The following NCAPD2 variants were observed in gnomAD, a reference collection of about 807,000 sequenced individuals.
NCAPD2 encodes the protein condensin complex subunit 1.
NCAPD2 carries 100 observed loss-of-function variants against 164.5 expected under a neutral mutation model. That is an observed-to-expected ratio of 0.61 (90% CI 0.52 to 0.72). NCAPD2 has a LOEUF of 0.72. Ranked by LOEUF, NCAPD2 falls within the 30% of genes least tolerant of loss-of-function variation. The probability of loss-of-function intolerance (pLI) is 0.00; values close to 1 mark genes in which losing one functional copy is unlikely to be tolerated. For missense variants in NCAPD2, 1,560 were observed against 1,749.2 expected, an observed-to-expected ratio of 0.89 and a Z score of 1.93; for synonymous variants, 585 against 642.6, an observed-to-expected ratio of 0.91 and a Z score of 1.36.
chr12:6,528,358 T>C lies in NCAPD2; in HGVS notation c.3299+30T>C, dbSNP rs1266552878. On this transcript the variant is annotated intron_variant, in intron 25 of 31. Coordinates refer to ENST00000315579, the MANE Select transcript of NCAPD2 (RefSeq NM_014865.4). The surrounding 1 kb of genome is among the most constrained non-coding windows in gnomAD (Gnocchi z 5.1). The stretch of plus-strand genomic sequence containing the variant: ...GAGACCCCTCACAACGTGGTGGCAG[T>C]TCCCAGGAGCCCCGGAGTCTGTTGA... 6.2e-6 allele frequency: 10 copies of C among 1,612,354 alleles called. No individual in the cohort carries two copies. The African/African-American group carries it at 1.3e-4, about 22-fold the overall frequency.
chr12:6,525,790 T>G (rs1946311595), intron 18 of NCAPD2, 74 bp downstream of exon 18: 1 of 1,570,406 alleles, frequency 6.4e-7, no homozygotes. Flanking sequence ...TTTCCTTCAG[T>G]GACATTGTCA....
chr12:6,508,653 A>G (rs1946119239), intron 2 of NCAPD2, among the ~76,000 whole-genome samples: 1 of 152,248 alleles, frequency 6.6e-6, no homozygotes, highest in African/African-American at 2.4e-5. Context: ...GGATGCTTCA[A>G]TTAGTGGGCA....
chr12:6,518,503 A>AGTTTTTTTTTTTTTTTT (rs1946225640), intron 13 of NCAPD2, among the ~76,000 whole-genome samples: 1 of 30,714 alleles, frequency 3.3e-5, no homozygotes, highest in African/African-American at 2.0e-4. Flanking sequence ...GCCGTCAACA[A>AGTTTTTTTTTTTTTTTT]GTTTTTTTTT....
chr12:6,518,031 T>C (rs1592172786), intron 13 of NCAPD2, 72 bp downstream of exon 13: 3 of 1,458,382 alleles, frequency 2.1e-6, no homozygotes, highest in East Asian at 4.6e-5. Context: ...ACTTACATAA[T>C]GTGTCTTTTA....
chr12:6,513,231 C>G (rs1946167866), intron 6 of NCAPD2, among the ~76,000 whole-genome samples: 1 of 152,126 alleles, frequency 6.6e-6, no homozygotes, highest in Non-Finnish European at 1.5e-5. Flanking sequence ...GACTGGTACC[C>G]TAGGGCACTC....
chr12:6,503,020 T>G (rs533989114), intron 2 of NCAPD2, among the ~76,000 whole-genome samples: 5,961 of 146,466 alleles, frequency 0.041, 458 homozygotes, highest in African/African-American at 0.14. Context: ...TTTTTTTTTT[T>G]TTTTTTTTTG....
At position 6,526,340 on chromosome 12, in the gene NCAPD2, G is replaced by T. The variant is rs746535565; in HGVS notation, c.2535G>T (p.Leu845Phe). ...TCCGGCTGCCTCAGGAACACAGGTT[G>T]TTTGAGCGACTGCGGGAGACAGTCA... ...PPFRLPQEHR[L>F]FERLRETVTK... is the part of the protein sequence containing the mutation. The change falls in exon 20 of 32, where the codon TTG (leucine) becomes TTT (phenylalanine). Residue 845 changes from leucine to phenylalanine, a missense_variant. Physicochemically the swap from Leu to Phe is conservative, Grantham distance 22. Transcript: ENST00000315579. The T allele has an allele frequency of 6.2e-7, 1 of 1,614,156 alleles. No homozygotes were observed. Among genetic ancestry groups the T allele is most frequent in the South Asian group, 1.1e-5 (1 of 91,082 alleles).
chr12:6,514,786 A>C lies in NCAPD2; in HGVS notation c.853A>C (p.Lys285Gln), dbSNP rs778850762. 1 of 1,614,164 alleles carries C rather than the reference A, an allele frequency of 6.2e-7. No individual in the cohort carries two copies. Among genetic ancestry groups the C allele is most frequent in the East Asian group, 2.2e-5 (1 of 44,884 alleles). ...VGEIVREIGQ[K>Q]CPQELSRDPS... is the part of the protein sequence containing the mutation. ...TTCCCTGTGTAGAGAGATTGGACAA[A>C]AGTGTCCCCAAGAGCTGAGTCGAGA... is the stretch of plus-strand genomic sequence containing the variant. Residue 285 changes from lysine (K) to glutamine (Q), a missense_variant, in exon 9 of 32, where the codon AAG becomes CAG. Coordinates refer to ENST00000315579, the MANE Select transcript of NCAPD2 (RefSeq NM_014865.4).
chr12:6,510,572 A>G (rs746905205), intron 4 of NCAPD2, 57 bp from the exon 5 acceptor site: 2 of 1,583,396 alleles, frequency 1.3e-6, no homozygotes. Context: ...GGTGTTTTGA[A>G]GTTGGGGTAT....
chr12:6,523,743 T>A (rs1430353199), intron 17 of NCAPD2, among the ~76,000 whole-genome samples: 4 of 152,208 alleles, frequency 2.6e-5, no homozygotes, highest in African/African-American at 9.7e-5. Flanking sequence ...TTTACTTAGC[T>A]CCAGAAAGAA....
chr12:6,499,914 G>T (rs971410591), intron 2 of NCAPD2, among the ~76,000 whole-genome samples: 3 of 151,804 alleles, frequency 2.0e-5, no homozygotes, highest in African/African-American at 7.3e-5. Context: ...CAAGCTCAGG[G>T]GTTTGAGACC....
rs761185581 is a variant in NCAPD2, at chr12:6,525,607, G to T, written c.2239G>T (p.Glu747Ter). 1.2e-5 allele frequency: 19 copies of T among 1,612,662 alleles called. No homozygotes were observed. The highest frequency in any genetic ancestry group is 1.6e-5 in the Non-Finnish European group (19 of 1,179,860). Residue 747 changes from glutamate to a stop codon, truncating the protein, a stop_gained, in exon 18 of 32, where the codon GAG (glutamate) becomes TAG (stop). Transcript: ENST00000315579. LOFTEE classifies it high-confidence loss of function. ...GCTCTGTGAGTTTGTGCAGAAGGAT[G>T]AGTTGAAACCAGCAGTGACCCAGCT... ...EILCEFVQKD[E>*]LKPAVTQLLW...
At chr12:6,504,218 GATATAGATATATATA>G (rs1946076403) in intron 2 of NCAPD2, among the ~76,000 whole-genome samples, 1 of 29,952 alleles carries the variant, frequency 3.3e-5, no homozygotes, top group African/African-American at 2.0e-4. Flanking sequence ...TATATATATA[GATATAGATATATATA>G]TATATATATA....
intron 2 of NCAPD2, among the ~76,000 whole-genome samples, chr12:6,507,682 T>G (rs1946110300): frequency 6.6e-6 from 1 of 151,698 alleles, no homozygotes; most frequent in African/African-American, 2.4e-5. Flanking sequence ...TCTTTCCAAA[T>G]AAGGGAAGGA....
At chr12:6,495,303 G>C (rs777861707) in intron 2 of NCAPD2, 78 bp downstream of exon 2, 1 of 1,540,684 alleles carries the variant, frequency 6.5e-7, no homozygotes, top group East Asian at 2.3e-5. Flanking sequence ...TGTCATTTCT[G>C]TTCCACTACA....
chr12:6,510,244 G>T (rs760296122), intron 4 of NCAPD2, 111 bp downstream of exon 4: 1 of 1,194,056 alleles, frequency 8.4e-7, no homozygotes, highest in Admixed American at 1.7e-5. Context: ...TATCAAGGCT[G>T]TTGTGATTCA....
intron 1 of NCAPD2, 101 bp from the exon 2 acceptor site, chr12:6,494,975 C>T (rs1354217595): frequency 2.4e-6 from 3 of 1,228,770 alleles, no homozygotes; most frequent in African/African-American, 1.5e-5. Flanking sequence ...TGCTATAAAA[C>T]TAAAAGCCAT....
chr12:6,501,259 T>A lies in NCAPD2; in HGVS notation c.127+6034T>A, dbSNP rs12321186. 3.3e-5 allele frequency among the ~76,000 whole-genome samples: 4 copies of A among 119,518 alleles called. 1 individual carries two copies. Among genetic ancestry groups the A allele is most frequent in the South Asian group, 2.6e-4 (1 of 3,892 alleles). The allele number at this position is 119,518 out of a possible 152,430, so 78.4% of individuals were successfully genotyped here. On this transcript the variant is annotated intron_variant, in intron 2 of 31. Coordinates refer to ENST00000315579, the MANE Select transcript of NCAPD2 (RefSeq NM_014865.4). ...TTTTTTTTTTTTTTTTTTTTTTTTT[T>A]AGGCAGAGTCTCGCTCTCTCGCCCA...
At chr12:6,500,766 A>G (rs1946026901) in intron 2 of NCAPD2, among the ~76,000 whole-genome samples, 1 of 152,178 alleles carries the variant, frequency 6.6e-6, no homozygotes, top group Non-Finnish European at 1.5e-5. Flanking sequence ...GTGTGAATGA[A>G]CTTGAAAGCC....
Sources: allele counts gnomAD v4.1 joint callset (sites outside exome capture counted in the v4.1 genomes callset), GRCh38; gene constraint gnomAD v4.1.1; non-coding constraint Gnocchi (gnomAD v3.1); transcripts MANE v1.5; gene names NCBI Gene and HGNC (gene_info 2026-07-23, HGNC 2026-07-21).